Variants in DAB1 observed in about 807,000 individuals in gnomAD.
The protein encoded by DAB1 is DAB adaptor protein 1.
In DAB1, 15 loss-of-function variants were observed where a neutral mutation model predicts 64.6. The ratio of observed to expected loss-of-function variants is 0.23; its 90% confidence interval spans 0.16 to 0.36. DAB1 has a LOEUF of 0.36. DAB1 is among the 10% of genes least tolerant of loss of function. The pLI is 1.00. For synonymous variants in DAB1, 235 were observed against 251.9 expected, an observed-to-expected ratio of 0.93 and a Z score of 0.64; for missense variants, 596 against 706.7, an observed-to-expected ratio of 0.84 and a Z score of 1.78.
At chr1:58,046,331 G>A (rs1647253943) in intron 5 of DAB1, among the ~76,000 whole-genome samples, 1 of 152,144 alleles carries the variant, frequency 6.6e-6, no homozygotes, top group Non-Finnish European at 1.5e-5. Flanking sequence ...AGCAAACTGA[G>A]GCAAAGGACA....
At chr1:57,496,507 G>A (rs1182818690) in intron 7 of DAB1, among the ~76,000 whole-genome samples, 1 of 152,084 alleles carries the variant, frequency 6.6e-6, no homozygotes, top group Non-Finnish European at 1.5e-5. Context: ...TACAATTTAT[G>A]CAAAACTTTC....
chr1:57,557,626 C>T (rs776822983), intron 7 of DAB1, among the ~76,000 whole-genome samples: 14 of 151,890 alleles, frequency 9.2e-5, no homozygotes, highest in Non-Finnish European at 1.9e-4. Context: ...ATGATTGACC[C>T]CAAAATACTA....
intron 14 of DAB1, among the ~76,000 whole-genome samples, chr1:57,008,440 A>G (rs183673967): frequency 6.6e-6 from 1 of 152,178 alleles, no homozygotes; most frequent in Non-Finnish European, 1.5e-5. Flanking sequence ...GATAATGATG[A>G]TGGTGATGGT....
chr1:57,526,348 T>C (rs1644593691), intron 7 of DAB1, among the ~76,000 whole-genome samples: 1 of 152,232 alleles, frequency 6.6e-6, no homozygotes, highest in African/African-American at 2.4e-5. Context: ...TTTGTTCATT[T>C]TGCAAGATTT....
intron 5 of DAB1, among the ~76,000 whole-genome samples, chr1:58,057,304 T>A (rs1028166932): frequency 2.6e-5 from 4 of 152,170 alleles, no homozygotes; most frequent in Admixed American, 6.5e-5. Context: ...CTGGGTTGAA[T>A]AGCATCCCCT....
intron 1 of DAB1, among the ~76,000 whole-genome samples, chr1:57,377,881 C>A (rs1424745136): frequency 6.6e-6 from 1 of 152,122 alleles, no homozygotes; most frequent in Admixed American, 6.5e-5. Context: ...GAGGAAGGAG[C>A]AGTTATAGAA....
chr1:58,118,633 A>T (rs1439159072), intron 5 of DAB1, among the ~76,000 whole-genome samples: 2 of 142,360 alleles, frequency 1.4e-5, no homozygotes, highest in Non-Finnish European at 3.0e-5. Flanking sequence ...AAATACATAT[A>T]TATATAAAGA....
intron 7 of DAB1, among the ~76,000 whole-genome samples, chr1:57,555,268 T>C (rs1030905438): frequency 4.0e-5 from 6 of 151,858 alleles, no homozygotes; most frequent in African/African-American, 1.5e-4. Flanking sequence ...CTCTTGACCT[T>C]GTGATCTGCC....
chr1:57,438,736 A>G (rs1353624898), intron 7 of DAB1, among the ~76,000 whole-genome samples: 1 of 152,138 alleles, frequency 6.6e-6, no homozygotes, highest in African/African-American at 2.4e-5. Context: ...CTTTTTTTTC[A>G]CATGATGTAT....
chr1:57,858,948 C>T (rs1653880463), intron 1 of DAB1, among the ~76,000 whole-genome samples: 1 of 151,926 alleles, frequency 6.6e-6, no homozygotes, highest in South Asian at 2.1e-4. Context: ...TGCAGACTTG[C>T]CATTGGTCAG....
intron 2 of DAB1, among the ~76,000 whole-genome samples, chr1:57,210,760 A>G (rs745533815): frequency 6.6e-6 from 1 of 152,238 alleles, no homozygotes; most frequent in Non-Finnish European, 1.5e-5. Flanking sequence ...GAGGGTGTTG[A>G]CATTGTAGCA....
chr1:57,714,154 C>T (rs756260537), intron 6 of DAB1, among the ~76,000 whole-genome samples: 5 of 138,218 alleles, frequency 3.6e-5, no homozygotes, highest in Admixed American at 2.1e-4. Flanking sequence ...TACTACTTGC[C>T]AGCTCCTGTT....
At chr1:57,764,163 G>C (rs1275310557) in intron 6 of DAB1, among the ~76,000 whole-genome samples, 2 of 152,174 alleles carry the variant, frequency 1.3e-5, no homozygotes, top group Non-Finnish European at 2.9e-5. Flanking sequence ...GCTCAAAGAA[G>C]GCAATCAGTC....
chr1:57,768,985 G>C (rs1273214851), intron 6 of DAB1, among the ~76,000 whole-genome samples: 1 of 152,000 alleles, frequency 6.6e-6, no homozygotes, highest in Non-Finnish European at 1.5e-5. Flanking sequence ...TCTTCTTCCA[G>C]GGTGACTTGG....
intron 4 of DAB1, among the ~76,000 whole-genome samples, chr1:58,226,265 G>A (rs1659476859): frequency 1.3e-5 from 2 of 152,094 alleles, no homozygotes; most frequent in South Asian, 2.1e-4. Context: ...GATTATATAC[G>A]AATAATAACA....
intron 2 of DAB1, among the ~76,000 whole-genome samples, chr1:57,248,988 G>A (rs1669114498): frequency 6.6e-6 from 1 of 152,154 alleles, no homozygotes; most frequent in South Asian, 2.1e-4. Flanking sequence ...AAACAAGACA[G>A]GCATATTAAG....
rs575085759 is a variant in DAB1, at chr1:58,472,424, G to A, written n.257+33636C>T. On this transcript the variant is annotated intron_variant and non_coding_transcript_variant, in intron 3 of 20. Transcript: ENST00000485760. ...ATAGTTTTTATTTTGTTTTATTTTT[G>A]TCATTAGCACTTTTCATAAGTCTTG... 8.5e-5 allele frequency among the ~76,000 whole-genome samples: 13 copies of A among 152,180 alleles called. No individual in the cohort carries two copies. The South Asian group carries it at 1.9e-3, about 22-fold the overall frequency.
chr1:58,436,690 A>G (rs368512292), intron 3 of DAB1, among the ~76,000 whole-genome samples: 3 of 152,268 alleles, frequency 2.0e-5, no homozygotes, highest in African/African-American at 7.2e-5. Flanking sequence ...GAAAGAAAAT[A>G]AACAATTAAG....
chr1:58,485,238 A>T (rs1017981975), intron 3 of DAB1, among the ~76,000 whole-genome samples: 5 of 148,898 alleles, frequency 3.4e-5, no homozygotes, highest in African/African-American at 7.4e-5. Context: ...TAAAAAAAAA[A>T]AAAAAAAAAA....
Sources: allele counts gnomAD v4.1 joint callset (sites outside exome capture counted in the v4.1 genomes callset), GRCh38; gene constraint gnomAD v4.1.1; transcripts MANE v1.5; gene names NCBI Gene and HGNC (gene_info 2026-07-23, HGNC 2026-07-21).